Variants in TRAP1 observed in about 807,000 individuals in gnomAD.
TRAP1 encodes the protein heat shock protein 75 kDa, mitochondrial.
Under a neutral mutation model 89.1 loss-of-function variants are expected in TRAP1, and 102 were observed. The ratio of observed to expected loss-of-function variants is 1.15; its 90% confidence interval spans 0.98 to 1.35. The LOEUF (loss-of-function observed/expected upper bound fraction) is 1.35, where lower values mean the gene tolerates loss of function less well. Among genes scored for constraint, TRAP1 ranks in the 40% most tolerant of loss-of-function variants. The pLI is 0.00. For synonymous variants in TRAP1, 508 were observed against 388.0 expected (o/e 1.31, Z -3.64); for missense variants, 1,256 against 945.3 (o/e 1.33, Z -4.31).
intron 1 of TRAP1, among the ~76,000 whole-genome samples, chr16:3,711,392 A>G (rs2051529507): frequency 6.6e-6 from 1 of 152,106 alleles, no homozygotes; most frequent in Non-Finnish European, 1.5e-5. Flanking sequence ...CAAGGTCAGA[A>G]GTTCAAGACC....
At chr16:3,687,702 G>A (rs763871988) in intron 3 of TRAP1, among the ~76,000 whole-genome samples, 7 of 151,908 alleles carry the variant, frequency 4.6e-5, no homozygotes, top group Admixed American at 1.3e-4. Context: ...TGGGCAACAC[G>A]GCAAAACTCC....
intron 1 of TRAP1, 28 bp downstream of exon 1, chr16:3,717,393 G>A: frequency 1.0e-6 from 1 of 1,003,784 alleles, no homozygotes; most frequent in Non-Finnish European, 1.3e-6. Context: ...CGGCCCGCCC[G>A]CTGCCCGTCC....
intron 1 of TRAP1, among the ~76,000 whole-genome samples, chr16:3,706,886 C>G (rs1019654580): frequency 2.0e-5 from 3 of 151,924 alleles, no homozygotes; most frequent in African/African-American, 7.3e-5. Context: ...AGGTATGTGC[C>G]TCAGGGTAGA....
chr16:3,695,950 A>T (rs1365030388), intron 1 of TRAP1, among the ~76,000 whole-genome samples: 1 of 152,218 alleles, frequency 6.6e-6, no homozygotes, highest in East Asian at 1.9e-4. Context: ...GTACAGGCTC[A>T]CAACCTTTGC....
chr16:3,710,874 TATATA>T (rs143156611), intron 1 of TRAP1, among the ~76,000 whole-genome samples: 5 of 124,822 alleles, frequency 4.0e-5, no homozygotes, highest in Admixed American at 8.0e-5. Flanking sequence ...TATATATATA[TATATA>T]TTTTTTTTTT....
chr16:3,681,339 T>G (rs935233578), intron 4 of TRAP1, among the ~76,000 whole-genome samples: 4 of 152,122 alleles, frequency 2.6e-5, no homozygotes, highest in African/African-American at 9.7e-5. Context: ...GCAAGGGTGG[T>G]CAGTGCCACT....
At position 3,703,108 on chromosome 16, in the gene TRAP1, C is replaced by T. The variant is rs1470007816; in HGVS notation, c.89-12123G>A. Among the ~76,000 whole-genome samples the T allele has an allele frequency of 5.6e-5, 8 of 143,402 alleles. 1 individual carries two copies. The highest frequency in any genetic ancestry group is 1.6e-4 in the African/African-American group (6 of 38,050). 94.1% of individuals were successfully genotyped at this position (143,402 alleles called of 152,430 possible). A position where few individuals can be genotyped will look rare whatever the true frequency, so the allele number is the denominator to read the frequency against. On this transcript the variant is annotated intron_variant, in intron 1 of 17. Coordinates refer to ENST00000246957, the MANE Select transcript of TRAP1 (RefSeq NM_016292.3). ...TAGAATACAAAAATCAACACCCGGA[C>T]GTCCTATATACAGAAAACTAGTTAG... is the stretch of plus-strand genomic sequence containing the variant.
chr16:3,686,152 TG>T lies in TRAP1; in HGVS notation c.331-17del. The T allele has an allele frequency of 1.9e-6, 3 of 1,612,692 alleles. No homozygotes were observed. Among genetic ancestry groups the T allele is most frequent in the Non-Finnish European group, 2.5e-6 (3 of 1,179,016 alleles). ...GTATAAACACCTACAGGAATAGAAA[TG>T]GGAGGCACAGACAATGAAGGACACT... On this transcript the variant is annotated splice_polypyrimidine_tract_variant and intron_variant, in intron 3 of 17. Transcript: ENST00000246957.
chr16:3,687,268 C>T (rs777015655), intron 3 of TRAP1: 1 of 152,224 alleles, frequency 6.6e-6, no homozygotes, highest in Non-Finnish European at 1.5e-5. Flanking sequence ...CTCTCTTTGC[C>T]TGCTGTCATC....
At chr16:3,693,955 C>T (rs991652949) in intron 1 of TRAP1, among the ~76,000 whole-genome samples, 20 of 150,598 alleles carry the variant, frequency 1.3e-4, no homozygotes, top group African/African-American at 4.4e-4. Flanking sequence ...ATCACACTAC[C>T]GCACTTCTGC....
At chr16:3,693,137 C>T (rs1319187882) in intron 1 of TRAP1, among the ~76,000 whole-genome samples, 1 of 151,786 alleles carries the variant, frequency 6.6e-6, no homozygotes, top group Non-Finnish European at 1.5e-5. Flanking sequence ...TTAGTAGAGA[C>T]GAGGTTTCAC....
At chr16:3,674,790 G>T in intron 8 of TRAP1, 1 of 472,284 alleles carries the variant, frequency 2.1e-6, no homozygotes, top group Non-Finnish European at 3.9e-6. Context: ...GCGAGCTGAC[G>T]AATACAGTGT....
At chr16:3,709,247 A>T (rs1360931333) in intron 1 of TRAP1, among the ~76,000 whole-genome samples, 1 of 144,672 alleles carries the variant, frequency 6.9e-6, no homozygotes, top group Non-Finnish European at 1.5e-5. Flanking sequence ...AAAAAAAAAA[A>T]GAAAAAGGCC....
chr16:3,692,189 T>C (rs1269175871), intron 1 of TRAP1, among the ~76,000 whole-genome samples: 2 of 152,100 alleles, frequency 1.3e-5, no homozygotes, highest in East Asian at 1.9e-4. Context: ...CACAAATTTG[T>C]AACAAGTAGA....
intron 13 of TRAP1, 34 bp downstream of exon 13, chr16:3,664,240 C>A (rs1328887039): frequency 2.7e-6 from 4 of 1,507,428 alleles, no homozygotes; most frequent in Non-Finnish European, 3.5e-6. Flanking sequence ...CAGGTTGCAG[C>A]CCCCGGAGCC....
At chr16:3,711,758 C>T (rs2051535016) in intron 1 of TRAP1, among the ~76,000 whole-genome samples, 1 of 152,116 alleles carries the variant, frequency 6.6e-6, no homozygotes, top group South Asian at 2.1e-4. Flanking sequence ...AATAAACTCC[C>T]TGAAATCTAT....
At chr16:3,703,719 T>C in intron 1 of TRAP1, among the ~76,000 whole-genome samples, 1 of 151,950 alleles carries the variant, frequency 6.6e-6, no homozygotes, top group East Asian at 1.9e-4. Flanking sequence ...CTTATAAAAC[T>C]ATTTACAAAA....
intron 11 of TRAP1, among the ~76,000 whole-genome samples, chr16:3,670,457 T>C (rs564809272): frequency 4.7e-5 from 7 of 149,012 alleles, no homozygotes; most frequent in Admixed American, 2.7e-4. Context: ...TCCCAGCACT[T>C]TGGGAGGCTG....
At chr16:3,662,293 T>TA in intron 15 of TRAP1, 161 bp from the exon 16 acceptor site, 1 of 846,664 alleles carries the variant, frequency 1.2e-6, no homozygotes, top group Non-Finnish European at 1.8e-6. Flanking sequence ...CCCACTAACT[T>TA]GTGGGCCCTG....
Sources: gnomAD v4.1 joint callset for allele counts (sites outside exome capture counted in the v4.1 genomes callset) on GRCh38, gnomAD v4.1.1 for gene constraint, MANE v1.5 for transcripts, NCBI Gene and HGNC (gene_info 2026-07-23, HGNC 2026-07-21) for gene names.